The following MLIP variants were observed in gnomAD, a reference collection of about 807,000 sequenced individuals.
MLIP encodes the protein muscular LMNA interacting protein, also known as muscular LMNA-interacting protein.
In MLIP, 79 loss-of-function variants were observed where a neutral mutation model predicts 84.8. The ratio of observed to expected loss-of-function variants is 0.93; its 90% CI spans 0.78 to 1.12. The LOEUF is 1.12. MLIP is among the 50% of genes most tolerant of loss of function. The pLI is 0.00. For missense variants in MLIP, 1,257 were observed against 1,160.6 expected (o/e 1.08, Z -1.21); for synonymous variants, 504 against 463.0 (o/e 1.09, Z -1.14).
At chr6:54,224,892 G>A (rs1780473440) in intron 11 of MLIP, among the ~76,000 whole-genome samples, 1 of 152,098 alleles carries the variant, frequency 6.6e-6, no homozygotes, top group Non-Finnish European at 1.5e-5. Flanking sequence ...GTCTCATCCA[G>A]GTCACTGCAA....
chr6:54,041,896 C>T (rs1448275875), intron 1 of MLIP, among the ~76,000 whole-genome samples: 1 of 152,056 alleles, frequency 6.6e-6, no homozygotes, highest in Non-Finnish European at 1.5e-5. Context: ...CCTCAGGCAC[C>T]AAATGCTCAT....
rs1462877362 is a variant in MLIP at position 54,137,583 on chromosome 6, C to T, written c.1514C>T (p.Ala505Val). 4 of 1,536,002 alleles carry T rather than the reference C, an allele frequency of 2.6e-6. No homozygotes were observed. The highest frequency in any genetic ancestry group is 3.5e-6 in the Non-Finnish European group (4 of 1,146,914). The change falls in exon 4 of 14, where the codon GCG becomes GTG. Residue 505 changes from alanine to valine, a missense_variant. Coordinates refer to ENST00000502396, the MANE Select transcript of MLIP (RefSeq NM_001281747.2). ...VFTKSTPLSQ[A>V]PSLSPTKQAS... ...ACCAAGTCTACTCCGCTTTCTCAGG[C>T]GCCCTCCCTCTCTCCTACAAAACAG...
intron 1 of MLIP, among the ~76,000 whole-genome samples, chr6:54,095,217 C>CA (rs1259642057): frequency 6.6e-6 from 1 of 152,116 alleles, no homozygotes; most frequent in Non-Finnish European, 1.5e-5. Flanking sequence ...GGCAGCCACA[C>CA]AAAGCGAACT....
Position 54,265,625 on chromosome 6 carries a change from G to A in MLIP, c.2977-325G>A, listed in dbSNP as rs539193777. Reference sequence around the variant, plus strand: ...AGCCAAGTCATGGAAGGGTGTGGGTGTGGGTGAGATATAACAGTGCTGTTC... The same window carrying A: ...AGCCAAGTCATGGAAGGGTGTGGGTATGGGTGAGATATAACAGTGCTGTTC... On this transcript the variant is annotated intron_variant, in intron 13 of 13. Coordinates refer to ENST00000502396, the MANE Select transcript of MLIP (RefSeq NM_001281747.2). Among the ~76,000 whole-genome samples the A allele has an allele frequency of 1.2e-4, 18 of 152,212 alleles. No individual in the cohort carries two copies. In the East Asian group the frequency reaches 3.1e-3, roughly 26 times the overall value.
At chr6:54,056,417 G>C (rs566462179) in intron 1 of MLIP, among the ~76,000 whole-genome samples, 1 of 152,202 alleles carries the variant, frequency 6.6e-6, no homozygotes, top group East Asian at 1.9e-4. Context: ...CCTCATTTTT[G>C]GGAAGATGTT....
intron 1 of MLIP, among the ~76,000 whole-genome samples, chr6:54,060,722 A>G (rs1202775303): frequency 6.6e-6 from 1 of 152,208 alleles, no homozygotes; most frequent in African/African-American, 2.4e-5. Flanking sequence ...CTATATAGAG[A>G]AAAAAGGTAT....
At chr6:54,219,734 T>G (rs1273933853) in intron 11 of MLIP, among the ~76,000 whole-genome samples, 1 of 152,352 alleles carries the variant, frequency 6.6e-6, no homozygotes. Flanking sequence ...GGGTCTCCTT[T>G]GTAGGTCTGA....
In MLIP at chr6:54,137,060, A is replaced by G; in HGVS notation, c.991A>G (p.Thr331Ala). The G allele has an allele frequency of 6.5e-7, 1 of 1,536,032 alleles. No homozygotes were observed. The highest frequency in any genetic ancestry group is 8.7e-7 in the Non-Finnish European group (1 of 1,146,886). The change falls in exon 4 of 14, where the codon ACT becomes GCT. Residue 331 changes from threonine (T) to alanine (A), a missense_variant. By Grantham distance (58) the Thr-to-Ala change is moderately conservative. Transcript: ENST00000502396. Reference protein sequence around the residue: ...GLTSEVLKKTTLTSHVLSHGE... With the variant: ...GLTSEVLKKTALTSHVLSHGE... Reference sequence around the variant, plus strand: ...GACCTCTGAAGTTCTCAAGAAGACAACTTTAACCTCGCATGTCCTTAGTCA... The same window carrying G: ...GACCTCTGAAGTTCTCAAGAAGACAGCTTTAACCTCGCATGTCCTTAGTCA...
chr6:54,057,400 C>G (rs1362597054), intron 1 of MLIP, among the ~76,000 whole-genome samples: 1 of 152,188 alleles, frequency 6.6e-6, no homozygotes, highest in African/African-American at 2.4e-5. Context: ...TTAACTATTA[C>G]AGTAAATTCA....
chr6:54,169,648 C>A, intron 9 of MLIP, 76 bp downstream of exon 9: 1 of 877,370 alleles, frequency 1.1e-6, no homozygotes, highest in Non-Finnish European at 1.7e-6. Flanking sequence ...CACTATTATA[C>A]AGTAATTTAA....
chr6:54,131,647 T>G (rs563018489), intron 3 of MLIP, among the ~76,000 whole-genome samples: 3 of 152,292 alleles, frequency 2.0e-5, no homozygotes, highest in Middle Eastern at 3.4e-3. Flanking sequence ...GTGATTATAT[T>G]GTACAGACTT....
At chr6:54,081,429 CAG>C (rs1767140784) in intron 1 of MLIP, among the ~76,000 whole-genome samples, 1 of 151,988 alleles carries the variant, frequency 6.6e-6, no homozygotes, top group Non-Finnish European at 1.5e-5. Flanking sequence ...TTATTTGAGA[CAG>C]AGTTTCGTTT....
intron 11 of MLIP, 79 bp from the exon 12 acceptor site, chr6:54,230,635 G>T (rs1215359596): frequency 6.2e-6 from 8 of 1,292,136 alleles, no homozygotes; most frequent in Non-Finnish European, 7.7e-6. Flanking sequence ...TCTGACCTAT[G>T]TCTATCGTAG....
chr6:54,234,445 T>G (rs1362103231), intron 12 of MLIP, among the ~76,000 whole-genome samples: 1 of 152,146 alleles, frequency 6.6e-6, no homozygotes, highest in Non-Finnish European at 1.5e-5. Context: ...AATCGTCCAT[T>G]CTTCTCCATT....
At chr6:54,026,663 G>C (rs1220971611) in intron 1 of MLIP, among the ~76,000 whole-genome samples, 1 of 151,854 alleles carries the variant, frequency 6.6e-6, no homozygotes, top group African/African-American at 2.4e-5. Flanking sequence ...AGTGTGTACA[G>C]GTGTTTAATT....
intron 3 of MLIP, among the ~76,000 whole-genome samples, chr6:54,133,205 G>C (rs1262215228): frequency 6.6e-6 from 1 of 152,178 alleles, no homozygotes; most frequent in African/African-American, 2.4e-5. Context: ...ATGAGGTCTT[G>C]AGCATAGGTG....
At chr6:54,176,622 C>A (rs1178544420) in intron 9 of MLIP, among the ~76,000 whole-genome samples, 1 of 151,950 alleles carries the variant, frequency 6.6e-6, no homozygotes, top group Non-Finnish European at 1.5e-5. Flanking sequence ...AATGGCCATA[C>A]TGCCCAAAGT....
At chr6:54,236,977 T>C (rs549464538) in intron 12 of MLIP, among the ~76,000 whole-genome samples, 1 of 152,104 alleles carries the variant, frequency 6.6e-6, no homozygotes, top group South Asian at 2.1e-4. Flanking sequence ...GGAGAAATGG[T>C]TTAGTATTCA....
At chr6:54,245,872 TC>T (rs1303747446) in intron 12 of MLIP, among the ~76,000 whole-genome samples, 1 of 152,168 alleles carries the variant, frequency 6.6e-6, no homozygotes, top group Non-Finnish European at 1.5e-5. Context: ...CCAAGGAGTC[TC>T]CTATTTTGAA....
Sources: gnomAD v4.1 joint callset for allele counts (sites outside exome capture counted in the v4.1 genomes callset) on GRCh38, gnomAD v4.1.1 for gene constraint, MANE v1.5 for transcripts, NCBI Gene and HGNC (gene_info 2026-07-23, HGNC 2026-07-21) for gene names.